The following PTPN9 variants were observed in gnomAD, a reference collection of about 807,000 sequenced individuals.
PTPN9 encodes protein tyrosine phosphatase non-receptor type 9.
A neutral mutation model predicts 69.8 loss-of-function variants in PTPN9; 26 were observed. The ratio of observed to expected loss-of-function variants is 0.37; its 90% CI spans 0.27 to 0.52. The LOEUF is 0.52. Among genes scored for constraint, PTPN9 ranks in the 20% least tolerant of loss-of-function variants. The probability of loss-of-function intolerance (pLI) is 0.91; values close to 1 mark genes in which losing one functional copy is unlikely to be tolerated. For missense variants in PTPN9, 549 were observed against 740.3 expected, an observed-to-expected ratio of 0.74 and a Z score of 3.00; for synonymous variants, 274 against 272.5, an observed-to-expected ratio of 1.01 and a Z score of -0.05.
intron 1 of PTPN9, among the ~76,000 whole-genome samples, chr15:75,550,656 G>A (rs981525020): frequency 5.3e-5 from 8 of 151,618 alleles, no homozygotes; most frequent in African/African-American, 1.7e-4. Flanking sequence ...GTGTAGTGGC[G>A]CATGCCTGTA....
At chr15:75,480,616 C>G (rs1455428813) in intron 8 of PTPN9, 3 of 1,154,256 alleles carry the variant, frequency 2.6e-6, no homozygotes, top group Middle Eastern at 3.6e-4. Flanking sequence ...CAGTGCGGAG[C>G]CGGGACAGTC....
At chr15:75,578,309 C>T (rs1037827908) in intron 1 of PTPN9, among the ~76,000 whole-genome samples, 2 of 152,242 alleles carry the variant, frequency 1.3e-5, no homozygotes, top group African/African-American at 4.8e-5. Context: ...ACCCCCCAAA[C>T]TGGGGCTTTT....
intron 5 of PTPN9, among the ~76,000 whole-genome samples, chr15:75,512,406 TG>T (rs1367094542): frequency 6.6e-6 from 1 of 152,148 alleles, no homozygotes; most frequent in African/African-American, 2.4e-5. Flanking sequence ...TGGCCTAGAC[TG>T]GTCCTGAACT....
chr15:75,479,623 C>A (rs537753622), intron 9 of PTPN9, among the ~76,000 whole-genome samples: 1 of 152,262 alleles, frequency 6.6e-6, no homozygotes, highest in South Asian at 2.1e-4. Context: ...GTGTTTAAAT[C>A]TCCAGTTTAT....
chr15:75,481,329 G>C (rs1203589655), intron 8 of PTPN9, among the ~76,000 whole-genome samples: 1 of 52,458 alleles, frequency 1.9e-5, no homozygotes, highest in Non-Finnish European at 4.0e-5. Flanking sequence ...CACCCCGTCC[G>C]GGAGGGAGGT....
rs202091435 is a variant in PTPN9, at chr15:75,558,326, C to CA, written c.63+20387dup. On this transcript the variant is annotated intron_variant, in intron 1 of 12. Transcript: ENST00000618819. ...CTGGCAACAGAGTGAGACTCCATCTCAAAAAAAAAAGAAAAAATAGAAATA... is the reference window on the plus strand; with the variant it reads ...CTGGCAACAGAGTGAGACTCCATCTCAAAAAAAAAAAGAAAAAATAGAAATA... 8.7e-3 allele frequency among the ~76,000 whole-genome samples: 1,231 copies of CA among 141,712 alleles called. 31 individuals are homozygous for CA. In the East Asian group the frequency reaches 0.11, roughly 12 times the overall value. 93.0% of individuals were successfully genotyped at this position (141,712 alleles called of 152,430 possible). A position where few individuals can be genotyped will look rare whatever the true frequency, so the allele number is the denominator to read the frequency against.
intron 2 of PTPN9, among the ~76,000 whole-genome samples, chr15:75,525,016 C>T (rs1467353913): frequency 6.6e-6 from 1 of 151,926 alleles, no homozygotes; most frequent in Non-Finnish European, 1.5e-5. Context: ...CTTAAACACG[C>T]AGCAGCACTG....
At chr15:75,473,668 G>C (rs1454922902) in intron 10 of PTPN9, 21 bp downstream of exon 10, 10 of 1,528,160 alleles carry the variant, frequency 6.5e-6, no homozygotes, top group Non-Finnish European at 9.1e-6. Context: ...GGAGACCTTT[G>C]GAAAAAAGGG....
intron 7 of PTPN9, among the ~76,000 whole-genome samples, chr15:75,503,976 T>C (rs1595955156): frequency 1.0e-5 from 1 of 97,862 alleles, no homozygotes; most frequent in Admixed American, 1.1e-4. Context: ...CCGCCCCTAC[T>C]GGGAAGTGAG....
chr15:75,482,425 C>T (rs1464856401), intron 8 of PTPN9, among the ~76,000 whole-genome samples: 12 of 151,090 alleles, frequency 7.9e-5, no homozygotes, highest in African/African-American at 1.2e-4. Context: ...ATTAGCCGGG[C>T]GTGGTGGCGG....
chr15:75,558,731 G>A (rs987869108), intron 1 of PTPN9, among the ~76,000 whole-genome samples: 6 of 152,218 alleles, frequency 3.9e-5, no homozygotes, highest in Non-Finnish European at 8.8e-5. Flanking sequence ...GGGTTTCGCT[G>A]TGTTGGCCGG....
intron 1 of PTPN9, among the ~76,000 whole-genome samples, chr15:75,559,048 AC>A (rs1040275302): frequency 2.8e-5 from 4 of 142,836 alleles, no homozygotes; most frequent in African/African-American, 1.1e-4. Context: ...AGTGAGGAGC[AC>A]CTCTTCCCGG....
At chr15:75,528,562 TTTG>T (rs2141322956) in intron 1 of PTPN9, among the ~76,000 whole-genome samples, 1 of 152,124 alleles carries the variant, frequency 6.6e-6, no homozygotes, top group South Asian at 2.1e-4. Context: ...AATTTTTTTC[TTTG>T]TTATTTTTAG....
chr15:75,578,781 C>G lies in PTPN9; in HGVS notation c.-5G>C. The G allele has an allele frequency of 2.4e-6, 3 of 1,239,604 alleles. No homozygotes were observed. Among genetic ancestry groups the G allele is most frequent in the Non-Finnish European group, 3.0e-6 (3 of 992,342 alleles). The allele number at this position is 1,239,604 out of a possible 1,614,324, so 76.8% of individuals were successfully genotyped here. On this transcript the variant is annotated 5_prime_UTR_variant, in exon 1 of 13. Transcript: ENST00000618819. Reference sequence around the variant, plus strand: ...GGGCGCGGTCGCGGGCTCCATCCCCCCGCCACCGCCGCCGGGCGGACAAAA... The same window carrying G: ...GGGCGCGGTCGCGGGCTCCATCCCCGCGCCACCGCCGCCGGGCGGACAAAA...
chr15:75,541,511 A>G (rs1242157004), intron 1 of PTPN9, among the ~76,000 whole-genome samples: 9 of 151,022 alleles, frequency 6.0e-5, no homozygotes, highest in Admixed American at 5.9e-4. Flanking sequence ...GGTTCACACC[A>G]TTCTCCTGCC....
At chr15:75,507,955 A>C (rs570494729) in intron 6 of PTPN9, among the ~76,000 whole-genome samples, 44 of 147,694 alleles carry the variant, frequency 3.0e-4, no homozygotes, top group Admixed American at 9.0e-4. Flanking sequence ...AGGCAGAAGA[A>C]TCGCTTGAAC....
intron 1 of PTPN9, among the ~76,000 whole-genome samples, chr15:75,560,023 C>T (rs974704852): frequency 4.0e-5 from 6 of 151,742 alleles, no homozygotes; most frequent in Non-Finnish European, 8.8e-5. Flanking sequence ...GCCTGTAATC[C>T]CAGCTACTCA....
At chr15:75,543,368 C>G (rs974868785) in intron 1 of PTPN9, among the ~76,000 whole-genome samples, 2 of 152,098 alleles carry the variant, frequency 1.3e-5, no homozygotes, top group African/African-American at 4.8e-5. Context: ...TATTATTAAC[C>G]GCATAAAGAA....
intron 1 of PTPN9, among the ~76,000 whole-genome samples, chr15:75,557,592 T>C (rs2075083274): frequency 6.6e-6 from 1 of 152,186 alleles, no homozygotes; most frequent in Admixed American, 6.6e-5. Flanking sequence ...CAAAGTGTTT[T>C]CCACAGTGGC....
Sources: gnomAD v4.1 joint callset for allele counts (sites outside exome capture counted in the v4.1 genomes callset) on GRCh38, gnomAD v4.1.1 for gene constraint, MANE v1.5 for transcripts, NCBI Gene and HGNC (gene_info 2026-07-23, HGNC 2026-07-21) for gene names.